The following MYO5A variants were observed in gnomAD, a reference collection of about 807,000 sequenced individuals.
MYO5A encodes myosin VA.
In MYO5A, 98 loss-of-function variants were observed where a neutral mutation model predicts 249.7. The ratio of observed to expected loss-of-function variants is 0.39; its 90% CI spans 0.33 to 0.46. MYO5A has a LOEUF of 0.46. Ranked by LOEUF, MYO5A falls within the 20% of genes least tolerant of loss-of-function variation. The probability of loss-of-function intolerance (pLI) is 0.98; values close to 1 mark genes in which losing one functional copy is unlikely to be tolerated. For synonymous variants in MYO5A, 778 were observed against 810.6 expected (o/e 0.96, Z 0.68); for missense variants, 1,696 against 2,308.8 (o/e 0.73, Z 5.44).
chr15:52,319,691 T>A (rs563150517), intron 38 of MYO5A, among the ~76,000 whole-genome samples: 1 of 152,184 alleles, frequency 6.6e-6, no homozygotes, highest in Non-Finnish European at 1.5e-5. Flanking sequence ...AGACCACATA[T>A]CTGGGCTCCA....
chr15:52,518,574 T>C (rs1053105401), intron 1 of MYO5A, among the ~76,000 whole-genome samples: 1 of 152,218 alleles, frequency 6.6e-6, no homozygotes, highest in Admixed American at 6.5e-5. Context: ...AACTAGAAGA[T>C]TTTTTTCTAA....
chr15:52,520,496 A>G (rs2077595371), intron 1 of MYO5A, among the ~76,000 whole-genome samples: 1 of 152,258 alleles, frequency 6.6e-6, no homozygotes, highest in South Asian at 2.1e-4. Flanking sequence ...AGCTGCCCTC[A>G]GGATGAAACC....
intron 15 of MYO5A, 123 bp downstream of exon 15, chr15:52,384,037 CA>C (rs2141137029): frequency 8.6e-7 from 1 of 1,162,680 alleles, no homozygotes; most frequent in East Asian, 2.4e-5. Flanking sequence ...CGTATGATCT[CA>C]CAGTGAAAGC....
intron 1 of MYO5A, among the ~76,000 whole-genome samples, chr15:52,502,598 G>A (rs1053759746): frequency 6.6e-6 from 1 of 152,184 alleles, no homozygotes; most frequent in Non-Finnish European, 1.5e-5. Context: ...AGTAAGGCCA[G>A]CCATTTCCAA....
At chr15:52,383,878 CAAAACAAACAG>C (rs1465878020) in intron 15 of MYO5A, among the ~76,000 whole-genome samples, 1 of 152,170 alleles carries the variant, frequency 6.6e-6, no homozygotes, top group African/African-American at 2.4e-5. Flanking sequence ...AATATAGAGA[CAAAACAAACAG>C]AAAACTAAGC....
intron 32 of MYO5A, 28 bp from the exon 33 acceptor site, chr15:52,337,912 G>T: frequency 6.9e-7 from 1 of 1,449,452 alleles, no homozygotes; most frequent in South Asian, 1.3e-5. Context: ...ATGGATATTT[G>T]TTTTTGTCTG....
At chr15:52,486,882 G>A (rs1315125835) in intron 1 of MYO5A, among the ~76,000 whole-genome samples, 1 of 152,144 alleles carries the variant, frequency 6.6e-6, no homozygotes, top group African/African-American at 2.4e-5. Context: ...ACACACCCAT[G>A]TCATAGGCAC....
chr15:52,378,515 C>CAAAAAAAAAAAAAAAA (rs55803737), intron 18 of MYO5A, among the ~76,000 whole-genome samples: 150 of 10,474 alleles, frequency 0.014, 40 homozygotes, highest in Middle Eastern at 1. Context: ...AAGACTGTCT[C>CAAAAAAAAAAAAAAAA]AAAAAAAAAA....
At chr15:52,376,664 T>C (rs1224174758) in intron 18 of MYO5A, 106 bp from the exon 19 acceptor site, 5 of 1,094,706 alleles carry the variant, frequency 4.6e-6, no homozygotes, top group African/African-American at 1.6e-5. Context: ...CTCTATTAGC[T>C]AAAACTTGGG....
chr15:52,402,775 G>A (rs1420083152), intron 9 of MYO5A, among the ~76,000 whole-genome samples: 1 of 152,100 alleles, frequency 6.6e-6, no homozygotes, highest in Admixed American at 6.6e-5. Flanking sequence ...AACCCAGGAG[G>A]TGGAGGTTGC....
intron 1 of MYO5A, among the ~76,000 whole-genome samples, chr15:52,487,867 A>G (rs996492975): frequency 6.6e-6 from 1 of 151,908 alleles, no homozygotes; most frequent in Admixed American, 6.6e-5. Flanking sequence ...CCTACCCCAC[A>G]TTCCCAGACA....
chr15:52,407,006 C>A (rs944072582), intron 8 of MYO5A, among the ~76,000 whole-genome samples: 1 of 152,116 alleles, frequency 6.6e-6, no homozygotes, highest in African/African-American at 2.4e-5. Flanking sequence ...ATATTTTGAA[C>A]AGTTTTATTG....
chr15:52,462,656 T>C (rs1280761768), intron 1 of MYO5A, among the ~76,000 whole-genome samples: 1 of 152,154 alleles, frequency 6.6e-6, no homozygotes, highest in African/African-American at 2.4e-5. Context: ...CAGACCAGCC[T>C]GGCCAACATG....
chr15:52,329,895 C>A (rs1229844356), intron 35 of MYO5A, among the ~76,000 whole-genome samples: 3 of 122,150 alleles, frequency 2.5e-5, no homozygotes, highest in African/African-American at 9.0e-5. Flanking sequence ...TGTACCACCT[C>A]GCCTGGGTAA....
chr15:52,409,164 G>C (rs1270130068), intron 6 of MYO5A, among the ~76,000 whole-genome samples: 2 of 151,940 alleles, frequency 1.3e-5, no homozygotes, highest in African/African-American at 4.8e-5. Context: ...ATAAGGATTG[G>C]GCTTTACCAT....
intron 1 of MYO5A, among the ~76,000 whole-genome samples, chr15:52,445,480 T>C (rs745717460): frequency 6.6e-6 from 1 of 152,026 alleles, no homozygotes; most frequent in Non-Finnish European, 1.5e-5. Context: ...ACACAAAAAA[T>C]TGGTACTAGG....
In MYO5A at chr15:52,370,425, C is replaced by T. The variant is rs2041043280; in HGVS notation, c.2818-8G>A. ...GCATTTGTAGTCTTTGTTCTTTAAA[C>T]ATACACATAAGTAACAATAAGTAAA... is the stretch of plus-strand genomic sequence containing the variant. On this transcript the variant is annotated splice_region_variant and splice_polypyrimidine_tract_variant and intron_variant, in intron 21 of 41. Transcript: ENST00000399233. 1 of 1,606,238 alleles carries T rather than the reference C, an allele frequency of 6.2e-7. No individual in the cohort carries two copies. Among genetic ancestry groups the T allele is most frequent in the African/African-American group, 1.3e-5 (1 of 74,878 alleles).
intron 35 of MYO5A, among the ~76,000 whole-genome samples, chr15:52,329,743 T>G (rs1331135996): frequency 6.6e-6 from 1 of 152,094 alleles, no homozygotes; most frequent in Non-Finnish European, 1.5e-5. Context: ...CTTAAGAAGC[T>G]TTTTATTATT....
chr15:52,494,770 G>A (rs1014233078), intron 1 of MYO5A, among the ~76,000 whole-genome samples: 1 of 152,206 alleles, frequency 6.6e-6, no homozygotes, highest in Non-Finnish European at 1.5e-5. Flanking sequence ...TGGGAATACA[G>A]GCATGAGCCA....
Sources: gnomAD v4.1 joint callset for allele counts (sites outside exome capture counted in the v4.1 genomes callset) on GRCh38, gnomAD v4.1.1 for gene constraint, MANE v1.5 for transcripts, NCBI Gene and HGNC (gene_info 2026-07-23, HGNC 2026-07-21) for gene names.